Variants in VAV3 observed in about 807,000 individuals in gnomAD.
VAV3 encodes vav guanine nucleotide exchange factor 3.
A neutral mutation model predicts 131.2 loss-of-function variants in VAV3; 94 were observed. The observed-to-expected ratio is 0.72, with a 90% CI of 0.61 to 0.85. The LOEUF (loss-of-function observed/expected upper bound fraction) is 0.85. Among genes scored for constraint, VAV3 ranks in the 40% least tolerant of loss-of-function variants. VAV3 has a pLI of 0.00. For missense variants in VAV3, 939 were observed against 1,002.7 expected, an observed-to-expected ratio of 0.94 and a Z score of 0.86; for synonymous variants, 349 against 342.0, an observed-to-expected ratio of 1.02 and a Z score of -0.22.
intron 2 of VAV3, among the ~76,000 whole-genome samples, chr1:107,831,598 T>G (rs1466863758): frequency 6.6e-6 from 1 of 152,210 alleles, no homozygotes; most frequent in African/African-American, 2.4e-5. Flanking sequence ...TCCATTGATT[T>G]TCTGCCCTTT....
At chr1:107,675,207 T>C (rs754466066) in intron 19 of VAV3, among the ~76,000 whole-genome samples, 9 of 152,192 alleles carry the variant, frequency 5.9e-5, no homozygotes, top group Non-Finnish European at 7.4e-5. Context: ...AATTGTTACA[T>C]AGCAATAGAA....
At chr1:107,739,974 A>G (rs957441196) in intron 15 of VAV3, among the ~76,000 whole-genome samples, 1 of 152,220 alleles carries the variant, frequency 6.6e-6, no homozygotes, top group Non-Finnish European at 1.5e-5. Context: ...TCAAGAGCAC[A>G]AAGAGCATCA....
At chr1:107,699,017 A>G (rs569847663) in intron 17 of VAV3, among the ~76,000 whole-genome samples, 4 of 152,274 alleles carry the variant, frequency 2.6e-5, no homozygotes, top group South Asian at 4.1e-4. Context: ...GAGCCAAACC[A>G]TATCATTCTG....
At chr1:107,591,741 A>T (rs1482283403) in intron 25 of VAV3, among the ~76,000 whole-genome samples, 1 of 152,180 alleles carries the variant, frequency 6.6e-6, no homozygotes, top group Non-Finnish European at 1.5e-5. Context: ...CCCAAATGTT[A>T]ACATTTTATG....
At chr1:107,764,732 C>A (rs914201162) in intron 9 of VAV3, among the ~76,000 whole-genome samples, 15 of 152,186 alleles carry the variant, frequency 9.9e-5, no homozygotes, top group Non-Finnish European at 1.3e-4. Flanking sequence ...TCTAACGTAT[C>A]TCACTCGTCC....
chr1:107,698,124 T>G lies in VAV3; in HGVS notation c.1705+6426A>C, dbSNP rs542207281. ...TCTGTAAGATGTCAATAATACCAAC[T>G]TCACAGAATTTATATAGGAGTAAAT... On this transcript the variant is annotated intron_variant, in intron 17 of 26. Coordinates refer to ENST00000370056, the MANE Select transcript of VAV3 (RefSeq NM_006113.5). Among the ~76,000 whole-genome samples the G allele has an allele frequency of 7.2e-5, 11 of 152,346 alleles. No individual in the cohort carries two copies. The East Asian group carries it at 2.1e-3, about 29-fold the overall frequency.
At chr1:107,728,645 A>ATATGTATATGTG (rs1223269663) in intron 15 of VAV3, among the ~76,000 whole-genome samples, 1 of 145,496 alleles carries the variant, frequency 6.9e-6, no homozygotes, top group Non-Finnish European at 1.5e-5. Context: ...ATGTATATGT[A>ATATGTATATGTG]TATGTATTGT....
chr1:107,630,285 T>C (rs937392724), intron 20 of VAV3, among the ~76,000 whole-genome samples: 6 of 152,004 alleles, frequency 3.9e-5, no homozygotes, highest in East Asian at 1.9e-4. Context: ...AGTTACATAG[T>C]AGGCACTTTA....
At chr1:107,681,076 T>C (rs1286725519) in intron 19 of VAV3, among the ~76,000 whole-genome samples, 1 of 152,174 alleles carries the variant, frequency 6.6e-6, no homozygotes, top group Non-Finnish European at 1.5e-5. Flanking sequence ...CTATAGAGAA[T>C]ATATATAATA....
chr1:107,594,596 T>A (rs1570578380), intron 25 of VAV3, among the ~76,000 whole-genome samples: 2 of 152,088 alleles, frequency 1.3e-5, no homozygotes, highest in South Asian at 2.1e-4. Context: ...TGCTTTTTTT[T>A]AAGAAAAAGT....
intron 20 of VAV3, among the ~76,000 whole-genome samples, chr1:107,631,877 T>C (rs1479461436): frequency 6.6e-6 from 1 of 152,090 alleles, no homozygotes; most frequent in African/African-American, 2.4e-5. Flanking sequence ...CAGTCTATCA[T>C]TGTTGGACAT....
intron 19 of VAV3, chr1:107,669,238 C>A (rs911555797): frequency 1.6e-6 from 2 of 1,215,716 alleles, no homozygotes; most frequent in East Asian, 6.1e-5. Context: ...TGAAGTAATC[C>A]TTACTAAGTG....
chr1:107,609,899 A>T lies in VAV3; in HGVS notation c.2015+32T>A, dbSNP rs773137251. ...CCTGGAGCTAAGGGTATGGTATTTC[A>T]ACCTAGCTACATAAACATTTTTAAT... On this transcript the variant is annotated intron_variant, in intron 22 of 26. Transcript: ENST00000370056. 1.9e-5 allele frequency: 31 copies of T among 1,608,234 alleles called. No homozygotes were observed. The Admixed American group carries it at 4.2e-4, about 22-fold the overall frequency.
chr1:107,752,827 T>G (rs1663820113), intron 12 of VAV3, among the ~76,000 whole-genome samples: 1 of 152,280 alleles, frequency 6.6e-6, no homozygotes, highest in East Asian at 1.9e-4. Context: ...GTGGAAAAAC[T>G]GAAACCCTTG....
At chr1:107,826,188 T>G (rs1273787468) in intron 2 of VAV3, among the ~76,000 whole-genome samples, 3 of 152,158 alleles carry the variant, frequency 2.0e-5, no homozygotes, top group Non-Finnish European at 4.4e-5. Context: ...TGTTGTAAAT[T>G]TGTCTACACA....
At chr1:107,693,020 G>A (rs952703904) in intron 17 of VAV3, among the ~76,000 whole-genome samples, 1 of 152,146 alleles carries the variant, frequency 6.6e-6, no homozygotes, top group African/African-American at 2.4e-5. Flanking sequence ...CATAAAGATT[G>A]CTGTCTGGGA....
intron 3 of VAV3, chr1:107,777,742 A>C (rs1557840722): frequency 1.7e-5 from 3 of 171,482 alleles, no homozygotes; most frequent in Non-Finnish European, 3.7e-5. Context: ...TCATCCTTCC[A>C]TGGCTCCGTT....
intron 20 of VAV3, among the ~76,000 whole-genome samples, chr1:107,623,971 T>C (rs1171090479): frequency 6.6e-6 from 1 of 152,174 alleles, no homozygotes; most frequent in African/African-American, 2.4e-5. Flanking sequence ...TAAATTTACC[T>C]TCAATTTGTA....
intron 6 of VAV3, among the ~76,000 whole-genome samples, chr1:107,769,392 G>A (rs1055932160): frequency 1.3e-5 from 2 of 152,130 alleles, no homozygotes; most frequent in Admixed American, 6.5e-5. Flanking sequence ...GGCCTGTAAC[G>A]CTACATAGTG....
Sources: allele counts gnomAD v4.1 joint callset (sites outside exome capture counted in the v4.1 genomes callset), GRCh38; gene constraint gnomAD v4.1.1; transcripts MANE v1.5; gene names NCBI Gene and HGNC (gene_info 2026-07-23, HGNC 2026-07-21).